The following COMMD1 variants were observed in gnomAD, a reference collection of about 807,000 sequenced individuals.
COMMD1 encodes the protein COMM domain-containing protein 1.
Under a neutral mutation model 17.2 loss-of-function variants are expected in COMMD1, and 10 were observed. The ratio of observed to expected loss-of-function variants is 0.58; its 90% CI spans 0.36 to 0.99. The LOEUF (loss-of-function observed/expected upper bound fraction) is 0.99, where lower values mean the gene tolerates loss of function less well. COMMD1 is among the 50% of genes least tolerant of loss of function. The probability of loss-of-function intolerance (pLI) is 0.01; values close to 1 mark genes in which losing one functional copy is unlikely to be tolerated. For synonymous variants in COMMD1, 97 were observed against 91.6 expected (o/e 1.06, Z -0.34); for missense variants, 270 against 231.8 (o/e 1.17, Z -1.07).
intron 1 of COMMD1, among the ~76,000 whole-genome samples, chr2:61,923,781 G>GTTTT (rs1558523022): frequency 6.6e-6 from 1 of 152,122 alleles, no homozygotes; most frequent in South Asian, 2.1e-4. Flanking sequence ...TTGTTTGTTT[G>GTTTT]TTTTTTGTTT....
upstream of COMMD1, among the ~76,000 whole-genome samples, chr2:61,901,208 A>G (rs1484158944): frequency 6.6e-6 from 1 of 151,282 alleles, no homozygotes; most frequent in Non-Finnish European, 1.5e-5. Context: ...CGGCCTCCCA[A>G]AATGCTGGAA....
chr2:61,938,700 C>T (rs1670663000), intron 1 of COMMD1, among the ~76,000 whole-genome samples: 1 of 152,154 alleles, frequency 6.6e-6, no homozygotes, highest in Non-Finnish European at 1.5e-5. Flanking sequence ...TTGCTGTGGA[C>T]TCCTACGGAT....
intron 1 of COMMD1, among the ~76,000 whole-genome samples, chr2:61,982,631 G>A (rs1317338123): frequency 6.6e-6 from 1 of 152,100 alleles, no homozygotes; most frequent in Non-Finnish European, 1.5e-5. Flanking sequence ...GTCATATATG[G>A]CTTTTATTAT....
At chr2:62,098,330 T>A (rs913018030) in intron 2 of COMMD1, among the ~76,000 whole-genome samples, 5 of 151,946 alleles carry the variant, frequency 3.3e-5, no homozygotes, top group South Asian at 4.2e-4. Flanking sequence ...AGCTAATTTT[T>A]TATTTTTAGT....
At chr2:61,919,643 CTT>C (rs1169485993) in intron 1 of COMMD1, among the ~76,000 whole-genome samples, 1 of 149,226 alleles carries the variant, frequency 6.7e-6, no homozygotes, top group Non-Finnish European at 1.5e-5. Context: ...TCAGCTTTGT[CTT>C]TACAAATAGA....
chr2:61,895,234 C>A (rs571029388), intron 1 of COMMD1, among the ~76,000 whole-genome samples: 12 of 152,316 alleles, frequency 7.9e-5, no homozygotes, highest in Admixed American at 2.6e-4. Flanking sequence ...TGTCTCCCCA[C>A]AGCGACAATA....
chr2:62,058,531 T>C (rs1670772293), intron 2 of COMMD1, among the ~76,000 whole-genome samples: 1 of 152,092 alleles, frequency 6.6e-6, no homozygotes, highest in Non-Finnish European at 1.5e-5. Flanking sequence ...ATTGCAGCAC[T>C]GGGAGGCTGA....
intron 1 of COMMD1, among the ~76,000 whole-genome samples, chr2:61,984,975 G>T (rs552885718): frequency 1.4e-4 from 21 of 147,492 alleles, no homozygotes; most frequent in African/African-American, 5.2e-4. Flanking sequence ...AGCTACTCCT[G>T]CTCCTTTTGG....
chr2:61,904,224 G>A (rs1669719242), upstream of COMMD1, among the ~76,000 whole-genome samples: 1 of 151,920 alleles, frequency 6.6e-6, no homozygotes, highest in African/African-American at 2.4e-5. Context: ...TGTTAGCCAG[G>A]ATGGTCTTGA....
chr2:61,907,760 C>T (rs371599108), intron 1 of COMMD1, among the ~76,000 whole-genome samples: 9 of 151,878 alleles, frequency 5.9e-5, no homozygotes, highest in East Asian at 3.9e-4. Flanking sequence ...GTGTGATCTC[C>T]GCTCTCTACA....
chr2:61,901,186 A>T (rs1203548375), upstream of COMMD1, among the ~76,000 whole-genome samples: 1 of 150,916 alleles, frequency 6.6e-6, no homozygotes, highest in African/African-American at 2.4e-5. Flanking sequence ...ACCTCAGGTG[A>T]TCTGCCTGCC....
At chr2:62,070,289 C>T (rs1346520843) in intron 2 of COMMD1, 1 of 152,174 alleles carries the variant, frequency 6.6e-6, no homozygotes, top group Non-Finnish European at 1.5e-5. Flanking sequence ...GGTGCAGTTG[C>T]TCACGCTTGT....
chr2:61,970,262 C>CA (rs112830731), intron 1 of COMMD1, among the ~76,000 whole-genome samples: 1,247 of 81,008 alleles, frequency 0.015, 12 homozygotes, highest in African/African-American at 0.038. Context: ...AACTCCACCT[C>CA]AAAAAAAAAA....
At chr2:61,905,617 C>T (rs1669749210), upstream of COMMD1, 5 of 1,456,354 alleles carry the variant, frequency 3.4e-6, no homozygotes, top group Non-Finnish European at 4.6e-6. Flanking sequence ...GCTATTTAGG[C>T]ACATCTCGGC....
At chr2:62,120,107 C>T (rs1024817252) in intron 2 of COMMD1, among the ~76,000 whole-genome samples, 1 of 152,176 alleles carries the variant, frequency 6.6e-6, no homozygotes, top group Non-Finnish European at 1.5e-5. Context: ...AGCAGTCTTC[C>T]TGCCTCACTC....
intron 2 of COMMD1, among the ~76,000 whole-genome samples, chr2:62,002,478 C>T (rs1199954933): frequency 2.9e-4 from 29 of 100,600 alleles, no homozygotes; most frequent in African/African-American, 1.1e-3. Flanking sequence ...GTGACAAGAG[C>T]GAGATTCCAC....
At chr2:62,056,499 C>T (rs930181683) in intron 2 of COMMD1, among the ~76,000 whole-genome samples, 8 of 152,176 alleles carry the variant, frequency 5.3e-5, no homozygotes, top group Non-Finnish European at 1.2e-4. Context: ...ACCTGTTCAG[C>T]GAACTCAATC....
At chr2:62,130,855 AC>A (rs1416068711) in intron 2 of COMMD1, among the ~76,000 whole-genome samples, 1 of 152,120 alleles carries the variant, frequency 6.6e-6, no homozygotes, top group Non-Finnish European at 1.5e-5. Context: ...ATAAAACCAA[AC>A]ATTTGCTTAC....
intron 2 of COMMD1, among the ~76,000 whole-genome samples, chr2:62,107,463 G>C (rs750037924): frequency 1.5e-4 from 23 of 152,136 alleles, no homozygotes; most frequent in Non-Finnish European, 2.6e-4. Context: ...TGCATTCTGG[G>C]GCTGTTGTAC....
Sources: allele counts gnomAD v4.1 joint callset (sites outside exome capture counted in the v4.1 genomes callset), GRCh38; gene constraint gnomAD v4.1.1; transcripts MANE v1.5; gene names NCBI Gene and HGNC (gene_info 2026-07-23, HGNC 2026-07-21).